ITGA6: variants seen among roughly 807,000 people sequenced by gnomAD.
ITGA6 encodes integrin subunit alpha 6.
A neutral mutation model predicts 133.6 loss-of-function variants in ITGA6; 63 were observed. That is an observed-to-expected ratio of 0.47 (90% CI 0.38 to 0.58). ITGA6 has a LOEUF of 0.58. ITGA6 is among the 20% of genes least tolerant of loss of function. The pLI is 0.00. For synonymous variants in ITGA6, 434 were observed against 482.0 expected (o/e 0.90, Z 1.30); for missense variants, 1,068 against 1,309.4 (o/e 0.82, Z 2.85).
At chr2:172,475,742 A>C in intron 8 of ITGA6, 57 bp downstream of exon 8, 1 of 939,464 alleles carries the variant, frequency 1.1e-6, no homozygotes, top group Non-Finnish European at 1.8e-6. Flanking sequence ...CCCTATAATA[A>C]AATATTTAGG....
intron 5 of ITGA6, among the ~76,000 whole-genome samples, chr2:172,472,615 C>T (rs919196137): frequency 6.6e-6 from 1 of 152,192 alleles, no homozygotes; most frequent in Non-Finnish European, 1.5e-5. Context: ...TTTGGGGGAA[C>T]AAAACGATCT....
chr2:172,432,411 T>G (rs138179967), intron 1 of ITGA6, among the ~76,000 whole-genome samples: 2 of 152,358 alleles, frequency 1.3e-5, no homozygotes, highest in East Asian at 3.9e-4. Context: ...GGTCTTACAT[T>G]CATTTCTTTG....
At position 172,491,908 on chromosome 2, in the gene ITGA6, C is replaced by T. The variant is rs906515058; in HGVS notation, c.2988+385C>T. Reference sequence around the variant, plus strand: ...TTAAAAAAGATCTCTTCATAGCTGACTCCTGAACTGAACCTTGTAAGTCCC... The same window carrying T: ...TTAAAAAAGATCTCTTCATAGCTGATTCCTGAACTGAACCTTGTAAGTCCC... On this transcript the variant is annotated intron_variant, in intron 23 of 25. Coordinates refer to ENST00000684293, the MANE Select transcript of ITGA6 (RefSeq NM_000210.4). This position sits in a 1 kb window ranked among gnomAD's most constrained non-coding sequence, Gnocchi z 4.4. 2.6e-5 allele frequency among the ~76,000 whole-genome samples: 4 copies of T among 152,196 alleles called. No homozygotes were observed. The highest frequency in any genetic ancestry group is 4.4e-5 in the Non-Finnish European group (3 of 68,028).
intron 5 of ITGA6, among the ~76,000 whole-genome samples, chr2:172,473,786 T>C (rs947665739): frequency 3.3e-5 from 5 of 152,222 alleles, no homozygotes; most frequent in Admixed American, 6.5e-5. Context: ...TTAAGATGTA[T>C]GAATACTTCA....
intron 1 of ITGA6, among the ~76,000 whole-genome samples, chr2:172,435,836 C>A (rs187568883): frequency 2.6e-5 from 4 of 151,894 alleles, no homozygotes; most frequent in Non-Finnish European, 5.9e-5. Context: ...ACCATGTTGG[C>A]CAGGCTGGTC....
intron 1 of ITGA6, among the ~76,000 whole-genome samples, chr2:172,436,595 C>T (rs1196247732): frequency 6.6e-6 from 1 of 152,232 alleles, no homozygotes; most frequent in South Asian, 2.1e-4. Context: ...TCATTTATTT[C>T]TCTCTGTGTG....
rs954898803 is a variant in ITGA6, at chr2:172,506,204, C to T, written c.*2136C>T. ...TTTTTTATAAAAGTGTTCATTGTTT[C>T]GTAACACAGCATTGTATATGTGAAG... On this transcript the variant is annotated 3_prime_UTR_variant, in exon 26 of 26. Coordinates refer to ENST00000684293, the MANE Select transcript of ITGA6 (RefSeq NM_000210.4). 4.6e-5 allele frequency: 7 copies of T among 152,532 alleles called. No individual in the cohort carries two copies. Among genetic ancestry groups the T allele is most frequent in the South Asian group, 2.1e-4 (1 of 4,828 alleles). 9.4% of individuals were successfully genotyped at this position (152,532 alleles called of 1,614,324 possible).
At chr2:172,431,703 T>G (rs564808223) in intron 1 of ITGA6, among the ~76,000 whole-genome samples, 7 of 152,180 alleles carry the variant, frequency 4.6e-5, no homozygotes, top group Admixed American at 1.3e-4. Context: ...CTGGGTCACC[T>G]TGAATGCTAA....
intron 24 of ITGA6, 113 bp from the exon 25 acceptor site, chr2:172,501,659 G>T: frequency 1.0e-6 from 1 of 973,656 alleles, no homozygotes; most frequent in Non-Finnish European, 1.6e-6. Context: ...ACTGAAAGTG[G>T]TCTGTTTGTA....
At chr2:172,428,189 G>A in intron 1 of ITGA6, 1 of 281,198 alleles carries the variant, frequency 3.6e-6, no homozygotes. Context: ...AGGAGAACCC[G>A]AGGGCTAGGC....
intron 1 of ITGA6, among the ~76,000 whole-genome samples, chr2:172,454,513 T>C (rs1012737261): frequency 3.3e-5 from 5 of 152,092 alleles, no homozygotes; most frequent in Non-Finnish European, 4.4e-5. Flanking sequence ...GAATGTGCCC[T>C]TTGGAAATAC....
intron 13 of ITGA6, among the ~76,000 whole-genome samples, chr2:172,486,013 G>T (rs1686649155): frequency 6.6e-6 from 1 of 151,896 alleles, no homozygotes; most frequent in Admixed American, 6.6e-5. Context: ...CCCGTCTCTA[G>T]TGAAAATACA....
rs1480902559 is a variant in ITGA6 at position 172,441,558 on chromosome 2, TTAAAAAAAAAAAAAAAAAAAA to T, written c.182+13589_182+13609del. Among the ~76,000 whole-genome samples, 133 of 64,854 alleles carry T rather than the reference TTAAAAAAAAAAAAAAAAAAAA, an allele frequency of 2.1e-3. 2 individuals carry two copies. Among genetic ancestry groups the T allele is most frequent in the African/African-American group, 7.5e-3 (121 of 16,044 alleles). 42.5% of individuals were successfully genotyped at this position (64,854 alleles called of 152,430 possible). ...GTAACAGAGTGGAGACGCTGTCTCTTTAAAAAAAAAAAAAAAAAAAAAAAAAAAAAAAAAAAATCAAACCTC... is the reference window on the plus strand; with the variant it reads ...GTAACAGAGTGGAGACGCTGTCTCTTAAAAAAAAAAAAAAAATCAAACCTC... On this transcript the variant is annotated intron_variant, in intron 1 of 25. Transcript: ENST00000684293.
rs534005271 is a variant in ITGA6 at position 172,497,558 on chromosome 2, T to C, written c.2989-417T>C. Among the ~76,000 whole-genome samples the C allele has an allele frequency of 6.3e-4, 95 of 151,400 alleles. 3 individuals carry two copies. In the South Asian group the frequency reaches 6.7e-3, roughly 11 times the overall value. ...TCAAAAAGATACCAGGTTAGATAGA[T>C]AGAACAGACTGGCTGTTAGATCTAT... On this transcript the variant is annotated intron_variant, in intron 23 of 25. Coordinates refer to ENST00000684293, the MANE Select transcript of ITGA6 (RefSeq NM_000210.4).
At chr2:172,429,964 A>G (rs897724280) in intron 1 of ITGA6, among the ~76,000 whole-genome samples, 2 of 152,186 alleles carry the variant, frequency 1.3e-5, no homozygotes, top group African/African-American at 4.8e-5. Flanking sequence ...ACAGTAAAGA[A>G]TGTGGGTGTA....
chr2:172,500,811 G>A (rs1194361057), intron 24 of ITGA6, among the ~76,000 whole-genome samples: 3 of 152,184 alleles, frequency 2.0e-5, no homozygotes, highest in South Asian at 2.1e-4. Flanking sequence ...CATGTGTGGC[G>A]GTTAGGCACG....
chr2:172,456,352 T>G (rs1207374548), intron 1 of ITGA6, among the ~76,000 whole-genome samples: 3 of 152,240 alleles, frequency 2.0e-5, no homozygotes, highest in Admixed American at 2.0e-4. Context: ...CAGGGCCAGA[T>G]GCAGCTGCAC....
Position 172,469,139 on chromosome 2 carries a change from A to G in ITGA6, c.402A>G (p.Arg134=). The G allele has an allele frequency of 6.2e-7, 1 of 1,614,164 alleles. No homozygotes were observed. Among genetic ancestry groups the G allele is most frequent in the South Asian group, 1.1e-5 (1 of 91,082 alleles). Residue 134 remains arginine, a synonymous_variant, in exon 4 of 26, where the codon CGA becomes CGG. Transcript: ENST00000684293. Reference sequence around the variant, plus strand: ...TCTGCTTGCAGACATGTGCTCACCGATATGAAAAAAGGCAGCATGTTAATA... The same window carrying G: ...TCTGCTTGCAGACATGTGCTCACCGGTATGAAAAAAGGCAGCATGTTAATA... ...PGGKVVTCAH[R]YEKRQHVNTK... is the part of the protein sequence containing the mutation.
rs548273156 is a variant in ITGA6, at chr2:172,489,540, A to G, written c.2561A>G (p.Gln854Arg). The stretch of plus-strand genomic sequence containing the variant: ...CTCGGCACAGCAACCTTGAACATTC[A>G]GTGGCCAAAAGAAATTAGCAATGGG... ...TNLGTATLNIQWPKEISNGKW... is the reference protein window; with the variant it reads ...TNLGTATLNIRWPKEISNGKW... The change falls in exon 20 of 26, where the codon CAG becomes CGG. Residue 854 changes from glutamine to arginine, a missense_variant. Physicochemically the swap from Gln to Arg is conservative, Grantham distance 43. Transcript: ENST00000684293. 15 of 1,614,074 alleles carry G rather than the reference A, an allele frequency of 9.3e-6. No homozygotes were observed. In the African/African-American group the frequency reaches 2.0e-4, roughly 22 times the overall value.
Sources: allele counts gnomAD v4.1 joint callset (sites outside exome capture counted in the v4.1 genomes callset), GRCh38; gene constraint gnomAD v4.1.1; non-coding constraint Gnocchi (gnomAD v3.1); transcripts MANE v1.5; gene names NCBI Gene and HGNC (gene_info 2026-07-23, HGNC 2026-07-21).